FBXW7: variants seen among roughly 807,000 people sequenced by gnomAD.
FBXW7 encodes F-box and WD repeat domain containing 7, also known as F-box/WD repeat-containing protein 7.
In FBXW7, 11 loss-of-function variants were observed where a neutral mutation model predicts 86.3. The ratio of observed to expected loss-of-function variants is 0.13; its 90% CI spans 0.08 to 0.21. The LOEUF (loss-of-function observed/expected upper bound fraction) is 0.21. Ranked by LOEUF, FBXW7 falls within the 10% of genes least tolerant of loss-of-function variation. The pLI is 1.00. For missense variants in FBXW7, 488 were observed against 847.4 expected (o/e 0.58, Z 5.27); for synonymous variants, 313 against 297.9 (o/e 1.05, Z -0.52).
At chr4:152,441,509 C>A (rs892033728) in intron 2 of FBXW7, among the ~76,000 whole-genome samples, 1 of 152,068 alleles carries the variant, frequency 6.6e-6, no homozygotes, top group East Asian at 1.9e-4. Flanking sequence ...GAAAGTTGCC[C>A]CAATCCAACT....
At chr4:152,359,751 A>G (rs1732751393) in intron 4 of FBXW7, among the ~76,000 whole-genome samples, 1 of 152,172 alleles carries the variant, frequency 6.6e-6, no homozygotes, top group Non-Finnish European at 1.5e-5. Context: ...CAAAAAGAGC[A>G]AAACTCAGTC....
chr4:152,508,123 G>A (rs972896250), intron 2 of FBXW7, among the ~76,000 whole-genome samples: 6 of 151,316 alleles, frequency 4.0e-5, no homozygotes, highest in African/African-American at 1.5e-4. Flanking sequence ...CATGTCAAAA[G>A]GACCAGGAAC....
At chr4:152,410,514 G>A (rs1424055400) in intron 4 of FBXW7, among the ~76,000 whole-genome samples, 1 of 151,640 alleles carries the variant, frequency 6.6e-6, no homozygotes. Context: ...GTAAATTAGG[G>A]CCAAACACAT....
chr4:152,350,885 A>G (rs1731750285), intron 4 of FBXW7, among the ~76,000 whole-genome samples: 1 of 152,002 alleles, frequency 6.6e-6, no homozygotes, highest in Admixed American at 6.6e-5. Flanking sequence ...TCCAAAATCT[A>G]CATTTTAAGG....
intron 2 of FBXW7, among the ~76,000 whole-genome samples, chr4:152,465,299 G>A (rs1393904158): frequency 3.3e-5 from 5 of 152,052 alleles, no homozygotes; most frequent in Non-Finnish European, 5.9e-5. Context: ...CAGAACAAGA[G>A]AAGGGAAGAG....
At chr4:152,478,300 G>A (rs1390557601) in intron 2 of FBXW7, among the ~76,000 whole-genome samples, 1 of 151,938 alleles carries the variant, frequency 6.6e-6, no homozygotes, top group South Asian at 2.1e-4. Context: ...CCAGCTTGGG[G>A]TATCTCATCT....
At chr4:152,384,171 C>T (rs541362622) in intron 4 of FBXW7, among the ~76,000 whole-genome samples, 8 of 152,084 alleles carry the variant, frequency 5.3e-5, no homozygotes, top group Non-Finnish European at 1.0e-4. Flanking sequence ...CCAGCATTTC[C>T]ACTTCTGAGT....
chr4:152,451,412 C>A (rs1371339731), intron 2 of FBXW7, among the ~76,000 whole-genome samples: 1 of 152,174 alleles, frequency 6.6e-6, no homozygotes, highest in African/African-American at 2.4e-5. Context: ...TCTACAAACA[C>A]AACCCTGAAC....
chr4:152,514,050 A>C (rs570092715), intron 2 of FBXW7, among the ~76,000 whole-genome samples: 5 of 152,374 alleles, frequency 3.3e-5, no homozygotes, highest in African/African-American at 1.2e-4. Flanking sequence ...TATTGATTAC[A>C]TGTTAAAATA....
At chr4:152,517,829 T>C (rs1340858841) in intron 2 of FBXW7, among the ~76,000 whole-genome samples, 4 of 152,210 alleles carry the variant, frequency 2.6e-5, no homozygotes, top group Admixed American at 2.6e-4. Flanking sequence ...TAGTAGATTA[T>C]GTCAGAGGAT....
chr4:152,347,283 C>T (rs577697101), intron 5 of FBXW7, among the ~76,000 whole-genome samples: 38 of 152,122 alleles, frequency 2.5e-4, no homozygotes, highest in East Asian at 1.9e-4. Flanking sequence ...TCCTATATAA[C>T]GCCTGTTATT....
intron 4 of FBXW7, among the ~76,000 whole-genome samples, chr4:152,398,677 T>C (rs1352128156): frequency 6.6e-6 from 1 of 152,082 alleles, no homozygotes; most frequent in East Asian, 1.9e-4. Flanking sequence ...TATTTTCTTT[T>C]CTCTGTATTC....
chr4:152,330,629 T>G (rs1303665425), intron 9 of FBXW7, 103 bp downstream of exon 9: 8 of 964,758 alleles, frequency 8.3e-6, no homozygotes, highest in Non-Finnish European at 1.1e-5. Context: ...GTTTTCTTTC[T>G]ACAGAAGAGG....
intron 2 of FBXW7, among the ~76,000 whole-genome samples, chr4:152,444,021 G>C (rs1327992076): frequency 6.6e-6 from 1 of 150,770 alleles, no homozygotes; most frequent in African/African-American, 2.5e-5. Flanking sequence ...TCTCTACAAA[G>C]CGTTCTCTAC....
intron 4 of FBXW7, among the ~76,000 whole-genome samples, chr4:152,389,441 G>T (rs1215771546): frequency 6.6e-6 from 1 of 151,980 alleles, no homozygotes; most frequent in Non-Finnish European, 1.5e-5. Context: ...CTATAAAAAA[G>T]AATGAAATGT....
intron 6 of FBXW7, among the ~76,000 whole-genome samples, chr4:152,342,262 C>T (rs963763371): frequency 6.6e-6 from 1 of 152,172 alleles, no homozygotes; most frequent in Admixed American, 6.5e-5. Flanking sequence ...GAGCACTAAA[C>T]TGCAATCAAG....
At chr4:152,323,709 G>T (rs1280404196) in intron 13 of FBXW7, 1 of 166,108 alleles carries the variant, frequency 6.0e-6, no homozygotes, top group Non-Finnish European at 1.3e-5. Context: ...ATTTTCACTT[G>T]TTTCTTTCTC....
rs749701779 is a variant in FBXW7, at chr4:152,323,004, C to T, written c.2001G>A (p.Gly667=). 1 of 1,613,694 alleles carries T rather than the reference C, an allele frequency of 6.2e-7. No individual in the cohort carries two copies. The highest frequency in any genetic ancestry group is 1.3e-5 in the African/African-American group (1 of 74,848). Residue 667 remains glycine, a synonymous_variant, in exon 14 of 14, where the codon GGG becomes GGA. Coordinates refer to ENST00000281708, the MANE Select transcript of FBXW7 (RefSeq NM_001349798.2). The part of the protein sequence containing the change: ...IRNLVTLESG[G]SGGVVWRIRA... ...TGATCCGCCACACAACTCCCCCACT[C>T]CCCCCACTCTCCAATGTGACTAGGT...
intron 4 of FBXW7, among the ~76,000 whole-genome samples, chr4:152,396,150 A>C (rs1736401770): frequency 6.6e-6 from 1 of 151,958 alleles, no homozygotes; most frequent in Non-Finnish European, 1.5e-5. Flanking sequence ...AATTAGTTAC[A>C]ATACAGGTGT....
Sources: gnomAD v4.1 joint callset for allele counts (sites outside exome capture counted in the v4.1 genomes callset) on GRCh38, gnomAD v4.1.1 for gene constraint, MANE v1.5 for transcripts, NCBI Gene and HGNC (gene_info 2026-07-23, HGNC 2026-07-21) for gene names.